Variants in SEMA5A observed in about 807,000 individuals in gnomAD.
The protein encoded by SEMA5A is semaphorin 5A.
SEMA5A carries 55 observed loss-of-function variants against 135.5 expected under a neutral mutation model. The observed-to-expected ratio is 0.41, with a 90% CI of 0.33 to 0.51. SEMA5A has a LOEUF of 0.51. Ranked by LOEUF, SEMA5A falls within the 20% of genes least tolerant of loss-of-function variation. SEMA5A has a pLI of 0.37. For missense variants in SEMA5A, 1,290 were observed against 1,419.9 expected, an observed-to-expected ratio of 0.91 and a Z score of 1.47; for synonymous variants, 580 against 546.5, an observed-to-expected ratio of 1.06 and a Z score of -0.85.
At chr5:9,430,858 T>A (rs1757832998) in intron 2 of SEMA5A, among the ~76,000 whole-genome samples, 1 of 151,826 alleles carries the variant, frequency 6.6e-6, no homozygotes, top group Non-Finnish European at 1.5e-5. Context: ...GTTTTTTTTT[T>A]AGCAAAGAGG....
At chr5:9,361,174 C>T (rs1754677541) in intron 3 of SEMA5A, among the ~76,000 whole-genome samples, 1 of 151,978 alleles carries the variant, frequency 6.6e-6, no homozygotes, top group Admixed American at 6.6e-5. Flanking sequence ...TGGTGGGCGC[C>T]TGTAATCCCA....
At chr5:9,446,003 A>G (rs1004935691) in intron 1 of SEMA5A, among the ~76,000 whole-genome samples, 13 of 152,222 alleles carry the variant, frequency 8.5e-5, no homozygotes, top group Non-Finnish European at 1.8e-4. Context: ...ATCAGACAGT[A>G]GTCACTGTGA....
intron 1 of SEMA5A, among the ~76,000 whole-genome samples, chr5:9,474,695 C>G (rs945125147): frequency 2.0e-5 from 3 of 152,194 alleles, no homozygotes; most frequent in African/African-American, 7.2e-5. Flanking sequence ...GCTGCTTCCA[C>G]TCTGTATGGT....
chr5:9,310,638 G>T (rs538984512), intron 5 of SEMA5A, among the ~76,000 whole-genome samples: 34 of 151,008 alleles, frequency 2.3e-4, no homozygotes, highest in African/African-American at 7.5e-4. Context: ...TCCAACAGAG[G>T]GTAGTTATAT....
chr5:9,454,731 T>C (rs1397660589), intron 1 of SEMA5A, among the ~76,000 whole-genome samples: 1 of 152,242 alleles, frequency 6.6e-6, no homozygotes, highest in Non-Finnish European at 1.5e-5. Flanking sequence ...TAGCAATGTT[T>C]TCCTCTGTAT....
At position 9,148,102 on chromosome 5, in the gene SEMA5A, T is replaced by C. The variant is rs560511578; in HGVS notation, c.1481+6386A>G. ...ATTAAGTGCACACTCTTTCAATGAA[T>C]GTTAAATAAAAAATTAAGATTGTAT... On this transcript the variant is annotated intron_variant, in intron 12 of 22. Coordinates refer to ENST00000382496, the MANE Select transcript of SEMA5A (RefSeq NM_003966.3). 9.2e-5 allele frequency among the ~76,000 whole-genome samples: 14 copies of C among 152,290 alleles called. No homozygotes were observed. The South Asian group carries it at 2.5e-3, about 27-fold the overall frequency.
chr5:9,382,722 G>C (rs1349647653), intron 2 of SEMA5A, among the ~76,000 whole-genome samples: 1 of 152,160 alleles, frequency 6.6e-6, no homozygotes, highest in Non-Finnish European at 1.5e-5. Flanking sequence ...TCAGCTCTAT[G>C]CATGTATGAA....
intron 5 of SEMA5A, among the ~76,000 whole-genome samples, chr5:9,254,159 T>C (rs1756856515): frequency 6.6e-6 from 1 of 152,222 alleles, no homozygotes; most frequent in Admixed American, 6.5e-5. Flanking sequence ...ATTCAACTAA[T>C]ATTTACTGAG....
At chr5:9,361,313 A>AAAC (rs1554024940) in intron 3 of SEMA5A, among the ~76,000 whole-genome samples, 1 of 150,890 alleles carries the variant, frequency 6.6e-6, no homozygotes, top group African/African-American at 2.5e-5. Flanking sequence ...AAAAAAAAAA[A>AAAC]ATTGCAAACA....
rs1364533610 is a variant in SEMA5A at position 9,545,530 on chromosome 5, C to A, written c.-175+54G>T. ...CGGCCAGCGGCGCGGCGCGGCGCGG[C>A]GCGGTCAGGGGCTCCTGCCAAGGCC... is the stretch of plus-strand genomic sequence containing the variant. On this transcript the variant is annotated intron_variant, in intron 1 of 22. Coordinates refer to ENST00000382496, the MANE Select transcript of SEMA5A (RefSeq NM_003966.3). This position sits in a 1 kb window ranked among gnomAD's most constrained non-coding sequence, Gnocchi z 4.5. 6.6e-6 allele frequency: 1 copy of A among 151,886 alleles called. No individual in the cohort carries two copies. Among genetic ancestry groups the A allele is most frequent in the Non-Finnish European group, 1.5e-5 (1 of 67,936 alleles). 9.4% of individuals were successfully genotyped at this position (151,886 alleles called of 1,614,324 possible). A position where few individuals can be genotyped will look rare whatever the true frequency, so the allele number is the denominator to read the frequency against.
At chr5:9,531,662 G>A (rs968067242) in intron 1 of SEMA5A, among the ~76,000 whole-genome samples, 7 of 152,118 alleles carry the variant, frequency 4.6e-5, no homozygotes, top group East Asian at 3.9e-4. Flanking sequence ...CTTGAGGCAC[G>A]CTGGCAAAAA....
At position 9,201,232 on chromosome 5, in the gene SEMA5A, A is replaced by G. The variant is rs569053715; in HGVS notation, c.932+723T>C. ...GGCACGTGCTCCTCCTGAGTCTTAC[A>G]CAGCATACCAGCTAAGGATAGGAAA... On this transcript the variant is annotated intron_variant, in intron 9 of 22. Transcript: ENST00000382496. Among the ~76,000 whole-genome samples the G allele has an allele frequency of 3.9e-5, 6 of 152,278 alleles. No homozygotes were observed. The South Asian group carries it at 1.2e-3, about 32-fold the overall frequency.
intron 6 of SEMA5A, among the ~76,000 whole-genome samples, chr5:9,228,453 G>A (rs1485203129): frequency 7.2e-5 from 11 of 152,208 alleles, no homozygotes; most frequent in African/African-American, 2.2e-4. Context: ...CATAGAAGCC[G>A]AGGAGCCTGA....
chr5:9,072,137 A>C (rs2150083924), intron 16 of SEMA5A, among the ~76,000 whole-genome samples: 1 of 152,322 alleles, frequency 6.6e-6, no homozygotes, highest in East Asian at 1.9e-4. Flanking sequence ...CAAATAACAA[A>C]AAGTTATATT....
intron 5 of SEMA5A, among the ~76,000 whole-genome samples, chr5:9,290,733 C>A (rs886870324): frequency 2.6e-5 from 4 of 152,268 alleles, no homozygotes; most frequent in South Asian, 2.1e-4. Context: ...TTAAGCTTCA[C>A]AATTTTTCAA....
Position 9,122,719 on chromosome 5 carries a change from G to A in SEMA5A, c.1718C>T (p.Pro573Leu), listed in dbSNP as rs748607534. 15 of 1,613,490 alleles carry A rather than the reference G, an allele frequency of 9.3e-6. No individual in the cohort carries two copies. The highest frequency in any genetic ancestry group is 3.3e-5 in the Admixed American group (2 of 59,978). The change falls in exon 14 of 23, where the codon CCG becomes CTG. Residue 573 changes from proline (P) to leucine (L), a missense_variant. By Grantham distance (98) the Pro-to-Leu change is moderately conservative (BLOSUM62 -3). Coordinates refer to ENST00000382496, the MANE Select transcript of SEMA5A (RefSeq NM_003966.3). The part of the protein sequence containing the change: ...CLCRTRSCDS[P>L]APQCGGWQCE... Reference sequence around the variant, plus strand: ...CTGCCAGCCACCACACTGCGGGGCCGGGCTGTCGCAGGAGCGGGTTCGACA... The same window carrying A: ...CTGCCAGCCACCACACTGCGGGGCCAGGCTGTCGCAGGAGCGGGTTCGACA...
rs1267036137 is a variant in SEMA5A, at chr5:9,162,562, G to GTATATATATA, written c.1274-7868_1274-7867insTATATATATA. 2.9e-3 allele frequency among the ~76,000 whole-genome samples: 183 copies of GTATATATATA among 63,222 alleles called. 3 individuals carry two copies. Among genetic ancestry groups the GTATATATATA allele is most frequent in the African/African-American group, 3.4e-3 (60 of 17,848 alleles). 41.5% of individuals were successfully genotyped at this position (63,222 alleles called of 152,430 possible). A position where few individuals can be genotyped will look rare whatever the true frequency, so the allele number is the denominator to read the frequency against. ...TATGTGTGTATATATGTGTGTGTGT[G>GTATATATATA]TGTATATATATATATATATATATAC... On this transcript the variant is annotated intron_variant, in intron 11 of 22. Coordinates refer to ENST00000382496, the MANE Select transcript of SEMA5A (RefSeq NM_003966.3).
At chr5:9,095,170 C>A (rs1008069628) in intron 16 of SEMA5A, among the ~76,000 whole-genome samples, 8 of 152,152 alleles carry the variant, frequency 5.3e-5, no homozygotes, top group South Asian at 2.1e-4. Context: ...ACTACATGTT[C>A]TCACTCATAA....
intron 5 of SEMA5A, among the ~76,000 whole-genome samples, chr5:9,302,192 TC>T (rs1751640721): frequency 6.6e-6 from 1 of 152,174 alleles, no homozygotes; most frequent in Non-Finnish European, 1.5e-5. Context: ...CATTTCAAGA[TC>T]CTTAATATAA....
Sources: gnomAD v4.1 joint callset for allele counts (sites outside exome capture counted in the v4.1 genomes callset) on GRCh38, gnomAD v4.1.1 for gene constraint, Gnocchi (gnomAD v3.1) non-coding constraint, MANE v1.5 for transcripts, NCBI Gene and HGNC (gene_info 2026-07-23, HGNC 2026-07-21) for gene names.